Variants in WDHD1 observed in about 807,000 individuals in gnomAD.
WDHD1 encodes WD repeat and HMG-box DNA-binding protein 1.
In WDHD1, 111 loss-of-function variants were observed where a neutral mutation model predicts 135.4. The observed-to-expected ratio is 0.82, with a 90% confidence interval of 0.70 to 0.96. The LOEUF is 0.96. Among genes scored for constraint, WDHD1 ranks in the 40% least tolerant of loss-of-function variants. The pLI is 0.00. For missense variants in WDHD1, 1,351 were observed against 1,336.3 expected (o/e 1.01, Z -0.17); for synonymous variants, 434 against 439.0 (o/e 0.99, Z 0.14).
chr14:54,993,551 T>C (rs541915996), intron 11 of WDHD1, among the ~76,000 whole-genome samples: 3 of 152,342 alleles, frequency 2.0e-5, no homozygotes, highest in Non-Finnish European at 2.9e-5. Flanking sequence ...CCACAATTAA[T>C]TGAATGTGCT....
At chr14:54,969,781 C>T (rs1417872827) in intron 16 of WDHD1, among the ~76,000 whole-genome samples, 1 of 152,102 alleles carries the variant, frequency 6.6e-6, no homozygotes, top group Non-Finnish European at 1.5e-5. Context: ...CCTTGATGAA[C>T]ACAGATATAA....
At chr14:54,949,267 G>A (rs536785391) in intron 24 of WDHD1, among the ~76,000 whole-genome samples, 32 of 152,186 alleles carry the variant, frequency 2.1e-4, no homozygotes, top group East Asian at 1.9e-4. Context: ...AAGATTAGAC[G>A]AATGGCTAAC....
At position 54,957,034 on chromosome 14, in the gene WDHD1, C is replaced by T. The variant is rs1182996537; in HGVS notation, c.2916G>A (p.Gln972=). ...KPLIPKPKPK[Q]ASAASYFQKR... is the part of the protein sequence containing the mutation. ...CAGATGAGGGTAGCTGAAACAGTAC[C>T]TGCTTAGGCTTCGGCTTTGGAATCA... The change falls in exon 23 of 26, where the codon CAG becomes CAA. Residue 972 remains glutamine (Q), a splice_region_variant and synonymous_variant. Transcript: ENST00000360586. The T allele has an allele frequency of 6.2e-7, 1 of 1,612,808 alleles. No homozygotes were observed. Among genetic ancestry groups the T allele is most frequent in the South Asian group, 1.1e-5 (1 of 90,782 alleles).
intron 16 of WDHD1, among the ~76,000 whole-genome samples, chr14:54,972,348 C>T (rs2041449809): frequency 6.7e-6 from 1 of 150,106 alleles, no homozygotes; most frequent in African/African-American, 2.4e-5. Context: ...AGGGGTGAGG[C>T]AGGCAGATCA....
intron 24 of WDHD1, among the ~76,000 whole-genome samples, chr14:54,947,436 A>G (rs2040947497): frequency 6.6e-6 from 1 of 152,214 alleles, no homozygotes; most frequent in South Asian, 2.1e-4. Flanking sequence ...ATTCAGAACA[A>G]AACAGGAAAT....
intron 14 of WDHD1, 46 bp downstream of exon 14, chr14:54,987,100 T>C: frequency 2.5e-6 from 4 of 1,598,712 alleles, no homozygotes; most frequent in Non-Finnish European, 3.4e-6. Context: ...AAAGCTCAAG[T>C]AATTTCCATT....
At chr14:54,984,582 A>T in intron 15 of WDHD1, 141 bp downstream of exon 15, 1 of 746,156 alleles carries the variant, frequency 1.3e-6, no homozygotes, top group Non-Finnish European at 1.9e-6. Context: ...CTGCCAACAT[A>T]TTAAAATAGA....
intron 12 of WDHD1, among the ~76,000 whole-genome samples, chr14:54,990,537 A>C (rs940323813): frequency 1.3e-5 from 2 of 151,624 alleles, no homozygotes; most frequent in Non-Finnish European, 2.9e-5. Flanking sequence ...CGGAGCTTGC[A>C]GTGAGCAGAG....
chr14:55,014,261 T>G (rs570185271), intron 2 of WDHD1, among the ~76,000 whole-genome samples: 93 of 152,310 alleles, frequency 6.1e-4, no homozygotes, highest in African/African-American at 2.1e-3. Context: ...GCCTGGCTAA[T>G]TTATTTTTTG....
At chr14:55,014,289 T>C (rs1293492660) in intron 2 of WDHD1, among the ~76,000 whole-genome samples, 2 of 152,188 alleles carry the variant, frequency 1.3e-5, no homozygotes, top group Non-Finnish European at 2.9e-5. Context: ...AGGGTGTCCC[T>C]ACGTTGCCCA....
chr14:54,945,331 T>G (rs1448586061), intron 24 of WDHD1, among the ~76,000 whole-genome samples: 1 of 152,218 alleles, frequency 6.6e-6, no homozygotes, highest in Non-Finnish European at 1.5e-5. Flanking sequence ...TAACATTTAC[T>G]GATCACTTAC....
intron 7 of WDHD1, chr14:55,005,194 G>A (rs1246316948): frequency 1.3e-5 from 7 of 540,172 alleles, no homozygotes; most frequent in Non-Finnish European, 7.3e-6. Context: ...GAGCTCCCTT[G>A]CTGTTGCATG....
chr14:55,008,504 G>A, intron 5 of WDHD1, 104 bp downstream of exon 5: 1 of 1,434,694 alleles, frequency 7.0e-7, no homozygotes, highest in Non-Finnish European at 9.5e-7. Flanking sequence ...ATAAAACAAA[G>A]GTTGAAAAGT....
In WDHD1 at chr14:54,956,778, G is replaced by A. The variant is rs113871014; in HGVS notation, c.2916+256C>T. Among the ~76,000 whole-genome samples the A allele has an allele frequency of 5.4e-3, 820 of 152,192 alleles. 6 individuals are homozygous for A. Among genetic ancestry groups the A allele is most frequent in the African/African-American group, 0.019 (771 of 41,526 alleles). ...GTTTTGGGGTTTGTTTTTTTCAGAT[G>A]GGGTATCTCTTATGTTTCCCAGACT... On this transcript the variant is annotated intron_variant, in intron 23 of 25. Coordinates refer to ENST00000360586, the MANE Select transcript of WDHD1 (RefSeq NM_007086.4).
intron 21 of WDHD1, among the ~76,000 whole-genome samples, chr14:54,959,166 A>G (rs908273225): frequency 2.0e-5 from 3 of 151,840 alleles, no homozygotes; most frequent in African/African-American, 7.3e-5. Flanking sequence ...AGCCCAGTTT[A>G]AGACTAGCAT....
intron 24 of WDHD1, among the ~76,000 whole-genome samples, chr14:54,947,315 G>C (rs141225640): frequency 6.6e-6 from 1 of 152,018 alleles, no homozygotes; most frequent in Non-Finnish European, 1.5e-5. Context: ...TGCAGTCTGG[G>C]CAACAAGAGC....
chr14:55,014,367 G>A (rs554826465), intron 2 of WDHD1, among the ~76,000 whole-genome samples: 1 of 152,342 alleles, frequency 6.6e-6, no homozygotes, highest in Non-Finnish European at 1.5e-5. Flanking sequence ...AGGGATTACA[G>A]ACATGAGTCA....
intron 14 of WDHD1, among the ~76,000 whole-genome samples, chr14:54,986,421 G>A (rs1350375838): frequency 6.6e-6 from 1 of 152,004 alleles, no homozygotes; most frequent in Non-Finnish European, 1.5e-5. Context: ...TCCCGCCTCG[G>A]CCTCCCAAAG....
chr14:54,954,243 G>A (rs1450879975), intron 24 of WDHD1, among the ~76,000 whole-genome samples: 1 of 152,142 alleles, frequency 6.6e-6, no homozygotes, highest in Non-Finnish European at 1.5e-5. Flanking sequence ...CCAAGATCGT[G>A]CCAATGCACT....
Sources: allele counts gnomAD v4.1 joint callset (sites outside exome capture counted in the v4.1 genomes callset), GRCh38; gene constraint gnomAD v4.1.1; transcripts MANE v1.5; gene names NCBI Gene and HGNC (gene_info 2026-07-23, HGNC 2026-07-21).